Variants in FAF1 observed in about 807,000 individuals in gnomAD.
FAF1 encodes Fas associated factor 1.
Under a neutral mutation model 92.5 loss-of-function variants are expected in FAF1, and 25 were observed. The observed-to-expected ratio is 0.27, with a 90% confidence interval of 0.20 to 0.38. FAF1 has a LOEUF of 0.38. Ranked by LOEUF, FAF1 falls within the 10% of genes least tolerant of loss-of-function variation. FAF1 has a pLI of 1.00. For synonymous variants in FAF1, 234 were observed against 273.2 expected (o/e 0.86, Z 1.42); for missense variants, 636 against 793.3 (o/e 0.80, Z 2.38).
chr1:50,577,712 T>C (rs1046709322), intron 12 of FAF1, among the ~76,000 whole-genome samples: 1 of 152,182 alleles, frequency 6.6e-6, no homozygotes, highest in African/African-American at 2.4e-5. Flanking sequence ...TTAGAGAGCA[T>C]GTGATAAACA....
chr1:50,798,776 T>C (rs1017368501), intron 3 of FAF1, among the ~76,000 whole-genome samples: 3 of 152,238 alleles, frequency 2.0e-5, no homozygotes, highest in East Asian at 1.9e-4. Context: ...CTGCCTTTAA[T>C]AGCTTACGAC....
Position 50,748,936 on chromosome 1 carries a change from T to C in FAF1, c.368-4161A>G, listed in dbSNP as rs56266143. 8.0e-3 allele frequency among the ~76,000 whole-genome samples: 1,224 copies of C among 152,340 alleles called. 14 individuals are homozygous for C. The highest frequency in any genetic ancestry group is 0.028 in the African/African-American group (1,182 of 41,568). On this transcript the variant is annotated intron_variant, in intron 4 of 18. Coordinates refer to ENST00000396153, the MANE Select transcript of FAF1 (RefSeq NM_007051.3). ...AGTAAGCAATGCTACAATGCAATTA[T>C]TCATGGTCTCAATGATACTTTTTAA...
At chr1:50,505,684 T>A (rs950600371) in intron 15 of FAF1, among the ~76,000 whole-genome samples, 2 of 152,242 alleles carry the variant, frequency 1.3e-5, no homozygotes, top group Non-Finnish European at 2.9e-5. Context: ...ATATTGTTTA[T>A]GGCTGCTTTT....
At chr1:50,646,122 TAAAG>T (rs1469357138) in intron 8 of FAF1, among the ~76,000 whole-genome samples, 2 of 152,206 alleles carry the variant, frequency 1.3e-5, no homozygotes, top group African/African-American at 2.4e-5. Flanking sequence ...ATTTTGTAGA[TAAAG>T]AAACTGAAGC....
chr1:50,832,868 T>TAA (rs559070709), intron 2 of FAF1, among the ~76,000 whole-genome samples: 1 of 151,616 alleles, frequency 6.6e-6, no homozygotes, highest in Admixed American at 6.6e-5. Flanking sequence ...AAGGCAGAAA[T>TAA]AAAAAAAAAT....
intron 15 of FAF1, among the ~76,000 whole-genome samples, chr1:50,514,953 A>C (rs1468280728): frequency 6.6e-6 from 1 of 152,184 alleles, no homozygotes; most frequent in Non-Finnish European, 1.5e-5. Flanking sequence ...TCCGGTCATC[A>C]CTAACTCACA....
intron 1 of FAF1, among the ~76,000 whole-genome samples, chr1:50,935,870 T>A (rs1248331558): frequency 2.0e-5 from 3 of 152,196 alleles, no homozygotes; most frequent in Non-Finnish European, 2.9e-5. Flanking sequence ...TTCAACTTCA[T>A]TTGCCCCATT....
chr1:50,865,187 G>A lies in FAF1; in HGVS notation c.46-7190C>T, dbSNP rs1365428437. Reference sequence around the variant, plus strand: ...GGCGATCATTAAAAAGTCAGGAAACGACAGGTGCTGGAGAGGATGTGGAGA... The same window carrying A: ...GGCGATCATTAAAAAGTCAGGAAACAACAGGTGCTGGAGAGGATGTGGAGA... On this transcript the variant is annotated intron_variant, in intron 1 of 18. Coordinates refer to ENST00000396153, the MANE Select transcript of FAF1 (RefSeq NM_007051.3). Among the ~76,000 whole-genome samples the A allele has an allele frequency of 6.6e-3, 1,001 of 152,014 alleles. 6 individuals are homozygous for A. Among genetic ancestry groups the A allele is most frequent in the African/African-American group, 0.022 (920 of 41,448 alleles).
intron 13 of FAF1, among the ~76,000 whole-genome samples, chr1:50,554,390 T>TATATAGAGAGAGAGAGAGAGAGAGAG: frequency 2.3e-4 from 22 of 93,682 alleles, no homozygotes; most frequent in African/African-American, 9.9e-4. Context: ...TATATATATA[T>TATATAGAGAGAGAGAGAGAGAGAGAG]AGAGAGAGAG....
intron 1 of FAF1, among the ~76,000 whole-genome samples, chr1:50,953,958 T>C (rs1283446117): frequency 6.6e-6 from 1 of 151,368 alleles, no homozygotes; most frequent in East Asian, 1.9e-4. Flanking sequence ...ACATTTTTTT[T>C]TTTTATTTGA....
Position 50,485,585 on chromosome 1 carries a change from C to T in FAF1, c.1653+5003G>A, listed in dbSNP as rs551671431. Among the ~76,000 whole-genome samples, 6 of 147,342 alleles carry T rather than the reference C, an allele frequency of 4.1e-5. No homozygotes were observed. In the South Asian group the frequency reaches 1.1e-3, roughly 26 times the overall value. Reference sequence around the variant, plus strand: ...GCTGAGGCAGGGGAATCACTTGAACCCAGGAGGCAGAGGTTGCAGTGAGCC... The same window carrying T: ...GCTGAGGCAGGGGAATCACTTGAACTCAGGAGGCAGAGGTTGCAGTGAGCC... On this transcript the variant is annotated intron_variant, in intron 17 of 18. Coordinates refer to ENST00000396153, the MANE Select transcript of FAF1 (RefSeq NM_007051.3).
At chr1:50,824,477 T>C (rs1349125999) in intron 2 of FAF1, among the ~76,000 whole-genome samples, 11 of 151,998 alleles carry the variant, frequency 7.2e-5, no homozygotes, top group Non-Finnish European at 1.5e-5. Flanking sequence ...AGTTGACTGA[T>C]TAATGCGAAA....
intron 15 of FAF1, among the ~76,000 whole-genome samples, chr1:50,512,652 T>C (rs997273673): frequency 6.6e-6 from 1 of 152,210 alleles, no homozygotes; most frequent in Non-Finnish European, 1.5e-5. Context: ...TAGTATAGTT[T>C]GAAGTTCAGG....
At chr1:50,566,931 T>A (rs1370891567) in intron 13 of FAF1, 146 bp downstream of exon 13, 2 of 509,964 alleles carry the variant, frequency 3.9e-6, no homozygotes, top group Non-Finnish European at 3.3e-6. Context: ...ACTGCATGTG[T>A]TAGCTGCAAC....
At chr1:50,929,260 T>C (rs569516441) in intron 1 of FAF1, among the ~76,000 whole-genome samples, 1 of 152,270 alleles carries the variant, frequency 6.6e-6, no homozygotes, top group South Asian at 2.1e-4. Flanking sequence ...AGTTCTTTCA[T>C]CATTCATACA....
intron 2 of FAF1, among the ~76,000 whole-genome samples, chr1:50,856,444 G>C (rs1266746854): frequency 2.0e-5 from 3 of 151,768 alleles, no homozygotes; most frequent in African/African-American, 7.2e-5. Flanking sequence ...ATCATGCTTT[G>C]TTGGAGTATA....
intron 2 of FAF1, among the ~76,000 whole-genome samples, chr1:50,840,394 A>G (rs1004644588): frequency 6.6e-6 from 1 of 152,036 alleles, no homozygotes; most frequent in Non-Finnish European, 1.5e-5. Flanking sequence ...AAGAACTTCT[A>G]TAACTCAATA....
chr1:50,517,771 C>T (rs1647272887), intron 15 of FAF1, among the ~76,000 whole-genome samples: 1 of 152,188 alleles, frequency 6.6e-6, no homozygotes, highest in African/African-American at 2.4e-5. Context: ...CTCTGTGTTA[C>T]AGTTTCCTTT....
At chr1:50,679,004 A>G (rs181175566) in intron 7 of FAF1, among the ~76,000 whole-genome samples, 1,996 of 148,516 alleles carry the variant, frequency 0.013, 40 homozygotes, top group African/African-American at 0.045. Context: ...GGAGAATGGC[A>G]TGAACCCGGG....
Sources: allele counts gnomAD v4.1 joint callset (sites outside exome capture counted in the v4.1 genomes callset), GRCh38; gene constraint gnomAD v4.1.1; transcripts MANE v1.5; gene names NCBI Gene and HGNC (gene_info 2026-07-23, HGNC 2026-07-21).